The following PLGRKT variants were observed in gnomAD, a reference collection of about 807,000 sequenced individuals.
The protein encoded by PLGRKT is plasminogen receptor with a C-terminal lysine.
PLGRKT carries 22 observed loss-of-function variants against 18.5 expected under a neutral mutation model. The ratio of observed to expected loss-of-function variants is 1.19; its 90% CI spans 0.85 to 1.70. PLGRKT has a LOEUF of 1.70. Among genes scored for constraint, PLGRKT ranks in the 40% most tolerant of loss-of-function variants. The probability of loss-of-function intolerance (pLI) is 0.00; values close to 1 mark genes in which losing one functional copy is unlikely to be tolerated. For synonymous variants in PLGRKT, 72 were observed against 52.8 expected, an observed-to-expected ratio of 1.36 and a Z score of -1.58; for missense variants, 235 against 174.4, an observed-to-expected ratio of 1.35 and a Z score of -1.96.
chr9:5,365,381 C>A (rs1817362881), intron 3 of PLGRKT, among the ~76,000 whole-genome samples: 1 of 152,136 alleles, frequency 6.6e-6, no homozygotes, highest in Non-Finnish European at 1.5e-5. Context: ...AATAAATATC[C>A]ATAAGCCTAT....
chr9:5,433,975 C>T (rs2093455), intron 2 of PLGRKT, among the ~76,000 whole-genome samples: 62,445 of 125,216 alleles, frequency 0.5, 17,978 homozygotes, highest in Non-Finnish European at 0.64. Context: ...GTGAGGAGCG[C>T]CTCTGCCCGG....
chr9:5,402,531 A>G (rs1818174150), intron 3 of PLGRKT, among the ~76,000 whole-genome samples: 1 of 151,902 alleles, frequency 6.6e-6, no homozygotes, highest in Non-Finnish European at 1.5e-5. Flanking sequence ...CCTGCTGGGA[A>G]CCACACTGGC....
chr9:5,402,851 G>A (rs1818181550), intron 3 of PLGRKT, among the ~76,000 whole-genome samples: 1 of 151,864 alleles, frequency 6.6e-6, no homozygotes, highest in Non-Finnish European at 1.5e-5. Flanking sequence ...AAGAAATGAT[G>A]GTTAGCACAA....
At position 5,423,551 on chromosome 9, in the gene PLGRKT, C is replaced by G. The variant is rs7021914; in HGVS notation, c.81+8346G>C. Reference sequence around the variant, plus strand: ...TGACATGGTTCCTCCCAGGCACTGACCTTTTTTAAAGGCCTTTGACTTCTC... The same window carrying G: ...TGACATGGTTCCTCCCAGGCACTGAGCTTTTTTAAAGGCCTTTGACTTCTC... On this transcript the variant is annotated intron_variant, in intron 3 of 5. Coordinates refer to ENST00000223864, the MANE Select transcript of PLGRKT (RefSeq NM_018465.4). Among the ~76,000 whole-genome samples the G allele has an allele frequency of 7.9e-3, 1,206 of 152,140 alleles. 19 individuals are homozygous for G. Among genetic ancestry groups the G allele is most frequent in the African/African-American group, 0.028 (1,174 of 41,488 alleles).
intron 3 of PLGRKT, among the ~76,000 whole-genome samples, chr9:5,412,740 G>A (rs994353592): frequency 5.9e-5 from 9 of 152,178 alleles, no homozygotes; most frequent in African/African-American, 2.2e-4. Context: ...GAATCAAAAT[G>A]TAGAGTAAAT....
chr9:5,430,454 T>A (rs1818799903), intron 3 of PLGRKT, among the ~76,000 whole-genome samples: 1 of 152,260 alleles, frequency 6.6e-6, no homozygotes, highest in South Asian at 2.1e-4. Context: ...AGATATTTAT[T>A]CTGCATAAGA....
At chr9:5,369,916 C>A (rs1169459296) in intron 3 of PLGRKT, among the ~76,000 whole-genome samples, 2 of 151,910 alleles carry the variant, frequency 1.3e-5, no homozygotes, top group East Asian at 3.9e-4. Context: ...GGGAGGGGAA[C>A]ATCACACACC....
intron 3 of PLGRKT, among the ~76,000 whole-genome samples, chr9:5,393,010 T>A (rs1817978693): frequency 6.6e-6 from 1 of 151,270 alleles, no homozygotes; most frequent in African/African-American, 2.4e-5. Flanking sequence ...CCCGGCTAAT[T>A]TTTGTATTTT....
chr9:5,373,434 T>A (rs1205759554), intron 3 of PLGRKT, among the ~76,000 whole-genome samples: 2 of 152,204 alleles, frequency 1.3e-5, no homozygotes, highest in Non-Finnish European at 2.9e-5. Flanking sequence ...CCTTCTCTAC[T>A]CTGCTGCACA....
intron 3 of PLGRKT, among the ~76,000 whole-genome samples, chr9:5,410,435 T>G (rs1268511605): frequency 6.8e-6 from 1 of 147,766 alleles, no homozygotes; most frequent in Admixed American, 6.9e-5. Flanking sequence ...GAGGTTGCAG[T>G]GAGCAGTGGG....
intron 3 of PLGRKT, among the ~76,000 whole-genome samples, chr9:5,414,050 T>C (rs1818413145): frequency 6.6e-6 from 1 of 152,210 alleles, no homozygotes; most frequent in African/African-American, 2.4e-5. Flanking sequence ...ACCAAAGATT[T>C]ATCTTGGTTA....
chr9:5,398,753 G>T lies in PLGRKT; in HGVS notation c.81+33144C>A, dbSNP rs370003041. Among the ~76,000 whole-genome samples the T allele has an allele frequency of 6.4e-4, 97 of 151,932 alleles. 1 individual carries two copies. The East Asian group carries it at 0.013, about 21-fold the overall frequency. ...TATCATGTTTAAAAACTTTTTAAAA[G>T]AAGGCGCCACATGATGTTATAATAT... On this transcript the variant is annotated intron_variant, in intron 3 of 5. Transcript: ENST00000223864.
intron 3 of PLGRKT, among the ~76,000 whole-genome samples, chr9:5,377,558 G>T (rs1179993623): frequency 1.3e-5 from 2 of 152,160 alleles, no homozygotes; most frequent in Non-Finnish European, 2.9e-5. Flanking sequence ...TTTCAGAAAT[G>T]TTGAGAAATT....
At chr9:5,401,646 T>G (rs1427460581) in intron 3 of PLGRKT, among the ~76,000 whole-genome samples, 1 of 151,896 alleles carries the variant, frequency 6.6e-6, no homozygotes, top group Non-Finnish European at 1.5e-5. Flanking sequence ...AAACCAGCAT[T>G]TTTTACTTTC....
At position 5,423,693 on chromosome 9, in the gene PLGRKT, C is replaced by G. The variant is rs575449721; in HGVS notation, c.81+8204G>C. ...ATTAAGAAATTCAGATGGGAAATTT[C>G]TTTTTTATTATTTTTCTTTTTTTTT... is the stretch of plus-strand genomic sequence containing the variant. On this transcript the variant is annotated intron_variant, in intron 3 of 5. Coordinates refer to ENST00000223864, the MANE Select transcript of PLGRKT (RefSeq NM_018465.4). 4.0e-5 allele frequency among the ~76,000 whole-genome samples: 6 copies of G among 151,484 alleles called. No homozygotes were observed. In the South Asian group the frequency reaches 8.3e-4, roughly 21 times the overall value.
At chr9:5,405,188 C>T (rs1170371608) in intron 3 of PLGRKT, among the ~76,000 whole-genome samples, 1 of 152,116 alleles carries the variant, frequency 6.6e-6, no homozygotes, top group East Asian at 1.9e-4. Flanking sequence ...CTGCCCAAAA[C>T]AATTTATAGA....
chr9:5,419,317 A>T (rs1586739507), intron 3 of PLGRKT, among the ~76,000 whole-genome samples: 1 of 152,242 alleles, frequency 6.6e-6, no homozygotes, highest in South Asian at 2.1e-4. Flanking sequence ...CTTTCACTCC[A>T]TTCTGAGCAT....
intron 3 of PLGRKT, 80 bp downstream of exon 3, chr9:5,431,817 G>A: frequency 2.9e-6 from 2 of 701,018 alleles, no homozygotes. Flanking sequence ...GGGAGTCAAA[G>A]AGAATGTACG....
chr9:5,382,071 T>G, intron 3 of PLGRKT: 1 of 904,908 alleles, frequency 1.1e-6, no homozygotes, highest in African/African-American at 1.8e-5. Flanking sequence ...CTTTCCTGTT[T>G]TATTCTTAGA....
Sources: allele counts gnomAD v4.1 joint callset (sites outside exome capture counted in the v4.1 genomes callset), GRCh38; gene constraint gnomAD v4.1.1; transcripts MANE v1.5; gene names NCBI Gene and HGNC (gene_info 2026-07-23, HGNC 2026-07-21).